SYT1: variants seen among roughly 807,000 people sequenced by gnomAD.
SYT1 encodes synaptotagmin-1.
Under a neutral mutation model 44.8 loss-of-function variants are expected in SYT1, and 8 were observed. The ratio of observed to expected loss-of-function variants is 0.18; its 90% CI spans 0.10 to 0.32. SYT1 has a LOEUF of 0.32. SYT1 is among the 10% of genes least tolerant of loss of function. SYT1 has a pLI of 1.00. For synonymous variants in SYT1, 154 were observed against 188.8 expected (o/e 0.82, Z 1.51); for missense variants, 286 against 509.3 (o/e 0.56, Z 4.22).
intron 2 of SYT1, among the ~76,000 whole-genome samples, chr12:79,034,916 C>A (rs980143987): frequency 6.6e-6 from 1 of 151,616 alleles, no homozygotes; most frequent in Non-Finnish European, 1.5e-5. Context: ...AGTAATTTAG[C>A]ATGAGAAGTT....
Position 79,327,057 on chromosome 12 carries a change from C to T in SYT1, c.811-26445C>T, listed in dbSNP as rs78368665. 3.1e-3 allele frequency among the ~76,000 whole-genome samples: 472 copies of T among 151,888 alleles called. 2 individuals carry two copies. The highest frequency in any genetic ancestry group is 0.011 in the African/African-American group (438 of 41,396). ...GAGATGTTCCTATTAAGGCAGTCAC[C>T]GTAAACAAGAACTGGATAATAATTT... On this transcript the variant is annotated intron_variant, in intron 8 of 10. Coordinates refer to ENST00000261205, the MANE Select transcript of SYT1 (RefSeq NM_005639.3).
At position 79,126,850 on chromosome 12, in the gene SYT1, G is replaced by T. The variant is rs555648851; in HGVS notation, c.-18+79488G>T. Reference sequence around the variant, plus strand: ...GGTTTACCAGTGACGTGAATTCTGTGCTTATTTGTCAACCCTATGGTGTCT... The same window carrying T: ...GGTTTACCAGTGACGTGAATTCTGTTCTTATTTGTCAACCCTATGGTGTCT... On this transcript the variant is annotated intron_variant, in intron 3 of 10. Transcript: ENST00000261205. Among the ~76,000 whole-genome samples, 9 of 152,256 alleles carry T rather than the reference G, an allele frequency of 5.9e-5. No individual in the cohort carries two copies. In the East Asian group the frequency reaches 1.7e-3, roughly 29 times the overall value.
At chr12:79,134,027 C>T (rs1410778393) in intron 3 of SYT1, among the ~76,000 whole-genome samples, 1 of 152,114 alleles carries the variant, frequency 6.6e-6, no homozygotes, top group East Asian at 1.9e-4. Flanking sequence ...AATTTTCTGC[C>T]ACTCTTTCCA....
intron 9 of SYT1, among the ~76,000 whole-genome samples, chr12:79,421,701 TTTG>T (rs1869129274): frequency 6.6e-6 from 1 of 150,398 alleles, no homozygotes; most frequent in African/African-American, 2.5e-5. Flanking sequence ...TTTTTGTTTT[TTTG>T]TTTTCTGTTT....
chr12:78,923,095 T>C (rs1877099305), intron 1 of SYT1, among the ~76,000 whole-genome samples: 1 of 151,920 alleles, frequency 6.6e-6, no homozygotes, highest in Admixed American at 6.6e-5. Context: ...CAGTATATCA[T>C]CCAAACCAGC....
intron 1 of SYT1, among the ~76,000 whole-genome samples, chr12:78,910,604 G>A (rs1876259756): frequency 6.6e-6 from 1 of 151,906 alleles, no homozygotes; most frequent in Admixed American, 6.6e-5. Flanking sequence ...ATGCAACAGG[G>A]AGTAAACACG....
intron 4 of SYT1, among the ~76,000 whole-genome samples, chr12:79,249,206 G>A (rs988713169): frequency 1.4e-5 from 2 of 145,928 alleles, no homozygotes; most frequent in African/African-American, 5.0e-5. Context: ...CCGGGTTCAC[G>A]CCATTCTCCT....
intron 1 of SYT1, among the ~76,000 whole-genome samples, chr12:78,957,380 GCTTT>G (rs1414435439): frequency 6.6e-6 from 1 of 152,086 alleles, no homozygotes; most frequent in Non-Finnish European, 1.5e-5. Context: ...AAATAAAAGT[GCTTT>G]CTAAGTATTT....
chr12:78,877,560 A>T (rs376853453), intron 1 of SYT1, among the ~76,000 whole-genome samples: 9 of 151,816 alleles, frequency 5.9e-5, no homozygotes, highest in Non-Finnish European at 1.0e-4. Flanking sequence ...ATGAAATATT[A>T]CTTGTTATGC....
intron 9 of SYT1, among the ~76,000 whole-genome samples, chr12:79,364,295 A>G (rs1434846264): frequency 6.6e-6 from 1 of 151,730 alleles, no homozygotes; most frequent in Non-Finnish European, 1.5e-5. Flanking sequence ...AAAGAGAGTG[A>G]CACAGAAATG....
intron 1 of SYT1, among the ~76,000 whole-genome samples, chr12:78,925,400 T>G (rs1024022263): frequency 6.6e-6 from 1 of 151,976 alleles, no homozygotes; most frequent in African/African-American, 2.4e-5. Context: ...TAGTCAAGGT[T>G]CATATAGTTC....
At chr12:79,137,774 A>G (rs1320208294) in intron 3 of SYT1, among the ~76,000 whole-genome samples, 5 of 152,304 alleles carry the variant, frequency 3.3e-5, no homozygotes, top group African/African-American at 1.2e-4. Context: ...GCATTTCTTT[A>G]CATAATTGGT....
chr12:79,443,968 C>A, intron 9 of SYT1, 105 bp from the exon 10 acceptor site: 6 of 1,162,702 alleles, frequency 5.2e-6, no homozygotes, highest in Non-Finnish European at 7.2e-6. Flanking sequence ...TAAATACATG[C>A]TATATAATTA....
chr12:78,910,778 C>G (rs534372986), intron 1 of SYT1, among the ~76,000 whole-genome samples: 1 of 151,894 alleles, frequency 6.6e-6, no homozygotes, highest in African/African-American at 2.4e-5. Flanking sequence ...TTGACCTTAT[C>G]GAAGAATCTA....
chr12:79,433,814 C>CA (rs1234726723), intron 9 of SYT1, among the ~76,000 whole-genome samples: 22 of 152,140 alleles, frequency 1.4e-4, no homozygotes, highest in Admixed American at 1.4e-3. Flanking sequence ...AAAATCTGAA[C>CA]AAAAAACATC....
At chr12:79,143,486 C>T (rs1869690880) in intron 3 of SYT1, among the ~76,000 whole-genome samples, 1 of 152,134 alleles carries the variant, frequency 6.6e-6, no homozygotes, top group African/African-American at 2.4e-5. Flanking sequence ...TTGTAGGGAA[C>T]TTTGAGTCAC....
intron 1 of SYT1, among the ~76,000 whole-genome samples, chr12:78,923,280 G>A (rs1004056169): frequency 1.3e-5 from 2 of 151,950 alleles, no homozygotes; most frequent in African/African-American, 4.8e-5. Flanking sequence ...ACACATGGCT[G>A]TTGCACATGC....
intron 9 of SYT1, among the ~76,000 whole-genome samples, chr12:79,442,960 T>C (rs1345216527): frequency 2.0e-5 from 3 of 152,208 alleles, no homozygotes; most frequent in Non-Finnish European, 4.4e-5. Context: ...TGCATTACAA[T>C]ATGAAATGAA....
Position 79,449,007 on chromosome 12 carries a change from C to T in SYT1, c.1152C>T (p.Thr384=), listed in dbSNP as rs771603460. ...IGKVFVGYNS[T]GAELRHWSDM... The stretch of plus-strand genomic sequence containing the variant: ...AAGTCTTTGTGGGCTACAACAGCAC[C>T]GGCGCGGAGCTGCGACACTGGTCAG... Residue 384 remains threonine, a synonymous_variant, in exon 11 of 11, where the codon ACC becomes ACT. Coordinates refer to ENST00000261205, the MANE Select transcript of SYT1 (RefSeq NM_005639.3). 43 of 1,614,088 alleles carry T rather than the reference C, an allele frequency of 2.7e-5. No individual in the cohort carries two copies. The highest frequency in any genetic ancestry group is 3.4e-5 in the Non-Finnish European group (40 of 1,180,040).
Sources: allele counts gnomAD v4.1 joint callset (sites outside exome capture counted in the v4.1 genomes callset), GRCh38; gene constraint gnomAD v4.1.1; transcripts MANE v1.5; gene names NCBI Gene and HGNC (gene_info 2026-07-23, HGNC 2026-07-21).